The following ZNF609 variants were observed in gnomAD, a reference collection of about 807,000 sequenced individuals.
ZNF609 encodes zinc finger protein 609.
In ZNF609, 11 loss-of-function variants were observed where a neutral mutation model predicts 109.5. The observed-to-expected ratio is 0.10, with a 90% CI of 0.06 to 0.17. The LOEUF is 0.17. Among genes scored for constraint, ZNF609 ranks in the 10% least tolerant of loss-of-function variants. ZNF609 has a pLI of 1.00. For synonymous variants in ZNF609, 646 were observed against 662.0 expected, an observed-to-expected ratio of 0.98 and a Z score of 0.37; for missense variants, 1,559 against 1,772.4, an observed-to-expected ratio of 0.88 and a Z score of 2.16.
intron 1 of ZNF609, among the ~76,000 whole-genome samples, chr15:64,476,868 C>G (rs1401224627): frequency 1.3e-5 from 2 of 152,158 alleles, no homozygotes; most frequent in Non-Finnish European, 2.9e-5. Context: ...ATAACCTTCT[C>G]TCTTCTTAGT....
In ZNF609 at chr15:64,665,913, A is replaced by T. The variant is rs145039263; in HGVS notation, c.974-4433A>T. On this transcript the variant is annotated intron_variant, in intron 3 of 9. Coordinates refer to ENST00000326648, the MANE Select transcript of ZNF609 (RefSeq NM_015042.2). ...AAGAGCAAAACTCCATCTCAAAAAT[A>T]AAAATTAAAATTAAAAATTAAATTA... Among the ~76,000 whole-genome samples, 38 of 151,570 alleles carry T rather than the reference A, an allele frequency of 2.5e-4. No individual in the cohort carries two copies. In the East Asian group the frequency reaches 6.0e-3, roughly 24 times the overall value.
At chr15:64,564,783 A>G (rs914335067) in intron 2 of ZNF609, among the ~76,000 whole-genome samples, 3 of 151,956 alleles carry the variant, frequency 2.0e-5, no homozygotes, top group Non-Finnish European at 4.4e-5. Context: ...TTCATCCACT[A>G]GATTACAGTG....
chr15:64,619,241 C>T (rs188349992), intron 2 of ZNF609, among the ~76,000 whole-genome samples: 264 of 152,296 alleles, frequency 1.7e-3, no homozygotes, highest in African/African-American at 6.0e-3. Context: ...CTCAAGCACT[C>T]CTCCTGCCTT....
At chr15:64,507,047 G>T (rs1893647821) in intron 2 of ZNF609, among the ~76,000 whole-genome samples, 1 of 152,120 alleles carries the variant, frequency 6.6e-6, no homozygotes. Context: ...GTGGGGGGAA[G>T]ACCAAAAATT....
At chr15:64,518,899 A>G (rs75105809) in intron 2 of ZNF609, among the ~76,000 whole-genome samples, 7,918 of 152,036 alleles carry the variant, frequency 0.052, 287 homozygotes, top group African/African-American at 0.1. Flanking sequence ...AACTTGGGAC[A>G]TGTTTTGAGG....
chr15:64,579,509 G>C (rs1468972330), intron 2 of ZNF609, among the ~76,000 whole-genome samples: 1 of 151,602 alleles, frequency 6.6e-6, no homozygotes, highest in Non-Finnish European at 1.5e-5. Flanking sequence ...TCAGGGGTTC[G>C]ATACTAGCCT....
rs751845233 is a variant in ZNF609 at position 64,577,238 on chromosome 15, C to T, written c.748-45589C>T. ...GTATATATATACACACAAATACATA[C>T]ATATATATGTATATATATACACACA... On this transcript the variant is annotated intron_variant, in intron 2 of 9. Coordinates refer to ENST00000326648, the MANE Select transcript of ZNF609 (RefSeq NM_015042.2). 5.6e-4 allele frequency among the ~76,000 whole-genome samples: 17 copies of T among 30,504 alleles called. 5 individuals carry two copies. In the Admixed American group the frequency reaches 7.0e-3, roughly 13 times the overall value. 20.0% of individuals were successfully genotyped at this position (30,504 alleles called of 152,430 possible).
rs1429075894 is a variant in ZNF609, at chr15:64,657,104, A to G, written c.974-13242A>G. 3.2e-4 allele frequency among the ~76,000 whole-genome samples: 48 copies of G among 151,472 alleles called. 1 individual carries two copies. The highest frequency in any genetic ancestry group is 1.5e-5 in the Non-Finnish European group (1 of 67,854). On this transcript the variant is annotated intron_variant, in intron 3 of 9. Transcript: ENST00000326648. ...CGAAACCCGTCTCTACTAAAAATAC[A>G]AAAAATTAGCCGGGCATGGTGATGC...
At chr15:64,495,822 CT>C (rs749513249) in intron 1 of ZNF609, among the ~76,000 whole-genome samples, 212 of 122,964 alleles carry the variant, frequency 1.7e-3, no homozygotes, top group Non-Finnish European at 2.2e-3. Context: ...AACCTGTTAT[CT>C]TTTTTTTTTT....
intron 2 of ZNF609, among the ~76,000 whole-genome samples, chr15:64,593,612 C>T (rs1394527796): frequency 3.3e-5 from 5 of 152,210 alleles, no homozygotes; most frequent in African/African-American, 4.8e-5. Flanking sequence ...CTGCAACCTC[C>T]GCCTCCCAGA....
chr15:64,536,935 A>C (rs1446650006), intron 2 of ZNF609, among the ~76,000 whole-genome samples: 2 of 148,794 alleles, frequency 1.3e-5, no homozygotes, highest in African/African-American at 4.9e-5. Context: ...AAAAAAAAAA[A>C]AAAAAGGCCG....
At chr15:64,529,977 A>T (rs1894034632) in intron 2 of ZNF609, among the ~76,000 whole-genome samples, 1 of 150,462 alleles carries the variant, frequency 6.6e-6, no homozygotes, top group South Asian at 2.1e-4. Context: ...TGATCCACCC[A>T]CCTCGGCCTC....
intron 3 of ZNF609, among the ~76,000 whole-genome samples, chr15:64,663,064 G>C (rs1375157736): frequency 6.6e-6 from 1 of 152,102 alleles, no homozygotes; most frequent in Non-Finnish European, 1.5e-5. Flanking sequence ...AAGCTAAAAG[G>C]TTTTATACAG....
intron 1 of ZNF609, among the ~76,000 whole-genome samples, chr15:64,461,234 C>CGGG (rs1892936072): frequency 3.5e-5 from 1 of 28,362 alleles, no homozygotes; most frequent in African/African-American, 1.2e-4. Context: ...GGGGCGGGGG[C>CGGG]GGTGGTGGTT....
chr15:64,595,876 T>G (rs968801302), intron 2 of ZNF609, among the ~76,000 whole-genome samples: 1 of 152,228 alleles, frequency 6.6e-6, no homozygotes, highest in Admixed American at 6.5e-5. Context: ...TCATTTGGAA[T>G]GACAGTGACT....
At chr15:64,552,413 C>T (rs1197872593) in intron 2 of ZNF609, among the ~76,000 whole-genome samples, 3 of 152,052 alleles carry the variant, frequency 2.0e-5, no homozygotes, top group Admixed American at 2.0e-4. Context: ...GCTCTGTTGC[C>T]CAGACTGGAG....
intron 2 of ZNF609, among the ~76,000 whole-genome samples, chr15:64,584,572 T>G (rs138259032): frequency 6.6e-5 from 10 of 152,202 alleles, no homozygotes; most frequent in Non-Finnish European, 1.2e-4. Context: ...AGTGCTGGGA[T>G]TACAGGAATG....
At chr15:64,485,199 G>A (rs1893315580) in intron 1 of ZNF609, among the ~76,000 whole-genome samples, 1 of 151,942 alleles carries the variant, frequency 6.6e-6, no homozygotes, top group Admixed American at 6.6e-5. Flanking sequence ...GACCAAAGAA[G>A]GTGAAGGCTT....
chr15:64,482,366 T>C (rs1280821427), intron 1 of ZNF609, among the ~76,000 whole-genome samples: 1 of 152,110 alleles, frequency 6.6e-6, no homozygotes. Context: ...TTATTTAATA[T>C]TTCCTATACG....
Sources: allele counts gnomAD v4.1 joint callset (sites outside exome capture counted in the v4.1 genomes callset), GRCh38; gene constraint gnomAD v4.1.1; transcripts MANE v1.5; gene names NCBI Gene and HGNC (gene_info 2026-07-23, HGNC 2026-07-21).